Variants in EMC1 observed in about 807,000 individuals in gnomAD.
EMC1 encodes KIAA0090.
A neutral mutation model predicts 128.8 loss-of-function variants in EMC1; 103 were observed. The observed-to-expected ratio is 0.80, with a 90% confidence interval of 0.68 to 0.94. EMC1 has a LOEUF of 0.94. Ranked by LOEUF, EMC1 falls within the 40% of genes least tolerant of loss-of-function variation. The probability of loss-of-function intolerance (pLI) is 0.00; values close to 1 mark genes in which losing one functional copy is unlikely to be tolerated. For missense variants in EMC1, 1,083 were observed against 1,250.6 expected (o/e 0.87, Z 2.02); for synonymous variants, 442 against 490.4 (o/e 0.90, Z 1.30).
At chr1:19,251,367 C>A in intron 1 of EMC1, 48 bp downstream of exon 1, 1 of 1,525,234 alleles carries the variant, frequency 6.6e-7, no homozygotes, top group Non-Finnish European at 9.1e-7. Flanking sequence ...GAGACAGGTA[C>A]TGGGGAAACA....
chr1:19,241,688 T>G (rs549496695), intron 5 of EMC1, among the ~76,000 whole-genome samples: 1 of 152,162 alleles, frequency 6.6e-6, no homozygotes, highest in South Asian at 2.1e-4. Context: ...GCTAATTTTT[T>G]GTACTTTTTG....
At chr1:19,232,812 A>G (rs79432876) in intron 14 of EMC1, 39 bp from the exon 15 acceptor site, 42,951 of 1,613,258 alleles carry the variant, frequency 0.027, 708 homozygotes, top group South Asian at 0.056. Context: ...TACTAGAAAG[A>G]GAAACCAAAG....
intron 1 of EMC1, among the ~76,000 whole-genome samples, chr1:19,248,298 G>A (rs1027507851): frequency 6.6e-6 from 1 of 152,092 alleles, no homozygotes; most frequent in Non-Finnish European, 1.5e-5. Context: ...CCCAGGCTTA[G>A]GTGATCCTCC....
intron 7 of EMC1, 136 bp downstream of exon 7, chr1:19,240,161 A>AG: frequency 8.0e-7 from 1 of 1,250,404 alleles, no homozygotes; most frequent in Non-Finnish European, 1.1e-6. Context: ...CTCTTACACC[A>AG]GTTCAGCCAG....
intron 17 of EMC1, among the ~76,000 whole-genome samples, chr1:19,229,720 C>T (rs1240582809): frequency 1.3e-5 from 2 of 152,212 alleles, no homozygotes; most frequent in Non-Finnish European, 2.9e-5. Flanking sequence ...AAGGGCGCTG[C>T]ATTTTCAAAA....
intron 1 of EMC1, among the ~76,000 whole-genome samples, chr1:19,250,638 C>T (rs1483668479): frequency 9.9e-5 from 15 of 152,158 alleles, no homozygotes; most frequent in Admixed American, 6.5e-5. Context: ...TAACAGATAA[C>T]GCTTAATGAC....
At chr1:19,244,844 T>G (rs2093624596) in intron 2 of EMC1, 62 bp downstream of exon 2, 1 of 1,589,192 alleles carries the variant, frequency 6.3e-7, no homozygotes, top group Non-Finnish European at 8.6e-7. Flanking sequence ...CCAGGCAGAG[T>G]TGGCAATGGT....
intron 17 of EMC1, among the ~76,000 whole-genome samples, chr1:19,228,767 AT>A (rs1236191940): frequency 6.6e-6 from 1 of 152,000 alleles, no homozygotes; most frequent in African/African-American, 2.4e-5. Context: ...AAAAAATAAA[AT>A]GGGCCGGGCG....
At position 19,230,967 on chromosome 1, in the gene EMC1, G is replaced by A. The variant is rs2093516889; in HGVS notation, c.1945-4C>T. 1 of 1,613,426 alleles carries A rather than the reference G, an allele frequency of 6.2e-7. No individual in the cohort carries two copies. Among genetic ancestry groups the A allele is most frequent in the African/African-American group, 1.3e-5 (1 of 74,862 alleles). Reference sequence around the variant, plus strand: ...GAGTGGCTGGAAAAGCTGTGACCTTGAAAAACCCAGAGAGCCCAAGGAAAG... The same window carrying A: ...GAGTGGCTGGAAAAGCTGTGACCTTAAAAAACCCAGAGAGCCCAAGGAAAG... On this transcript the variant is annotated splice_polypyrimidine_tract_variant and splice_region_variant and intron_variant, in intron 16 of 22. Transcript: ENST00000477853.
intron 5 of EMC1, among the ~76,000 whole-genome samples, chr1:19,241,506 T>C (rs941744642): frequency 2.0e-5 from 3 of 152,040 alleles, no homozygotes; most frequent in Non-Finnish European, 2.9e-5. Flanking sequence ...ACCCGCCTCA[T>C]AGCATTTTCT....
chr1:19,245,400 C>T (rs2093627290), intron 1 of EMC1, among the ~76,000 whole-genome samples: 1 of 152,022 alleles, frequency 6.6e-6, no homozygotes, highest in African/African-American at 2.4e-5. Flanking sequence ...GAGATCGCAC[C>T]ATTGCACTTC....
In EMC1 at chr1:19,242,427, T is replaced by C. The variant is rs536488842; in HGVS notation, c.427A>G (p.Ile143Val). The change falls in exon 5 of 23, where the codon ATC (isoleucine) becomes GTC (valine). Residue 143 changes from isoleucine (I) to valine (V), a missense_variant. Around this residue, in one of 3 missense-constraint regions of EMC1, gnomAD observed 544 missense variants for 572.4 expected, o/e 0.95. Coordinates refer to ENST00000477853, the MANE Select transcript of EMC1 (RefSeq NM_015047.3). ...AGTGTAGTCTTCTTCAGGACTGCGA[T>C]GTACCTTACAGACTCCTGCAGGCCA... Reference protein sequence around the residue: ...LVGLQESVRYIAVLKKTTLAL... With the variant: ...LVGLQESVRYVAVLKKTTLAL... The C allele has an allele frequency of 3.1e-6, 5 of 1,614,066 alleles. No individual in the cohort carries two copies. Among genetic ancestry groups the C allele is most frequent in the Non-Finnish European group, 3.4e-6 (4 of 1,180,026 alleles).
chr1:19,240,484 G>T, intron 6 of EMC1, 38 bp from the exon 7 acceptor site: 1 of 1,611,424 alleles, frequency 6.2e-7, no homozygotes, highest in Non-Finnish European at 8.5e-7. Flanking sequence ...GCTCGTGAAA[G>T]ATTTTTACAT....
Position 19,238,250 on chromosome 1 carries a change from AG to A in EMC1, c.1090-112del, listed in dbSNP as rs1171566314. Reference sequence around the variant, plus strand: ...ACCCTAGAGAAGGAGCCAGGCCAGAAGGGGAAATATATGCAAAGGAGAATAA... The same window carrying A: ...ACCCTAGAGAAGGAGCCAGGCCAGAAGGGAAATATATGCAAAGGAGAATAA... On this transcript the variant is annotated intron_variant, in intron 10 of 22. Coordinates refer to ENST00000477853, the MANE Select transcript of EMC1 (RefSeq NM_015047.3). 6.5e-6 allele frequency: 8 copies of A among 1,228,358 alleles called. No individual in the cohort carries two copies. In the East Asian group the frequency reaches 1.2e-4, roughly 18 times the overall value. 76.1% of individuals were successfully genotyped at this position (1,228,358 alleles called of 1,614,324 possible).
In EMC1 at chr1:19,223,528, T is replaced by C. The variant is rs769979785; in HGVS notation, c.2244A>G (p.Thr748=). The change falls in exon 19 of 23, where the codon ACA becomes ACG. Residue 748 remains threonine (T), a synonymous_variant. Coordinates refer to ENST00000477853, the MANE Select transcript of EMC1 (RefSeq NM_015047.3). ...TAAAGGTGCGCTCATGGTGCGCGTC[T>C]GTGCTCTCTGTCACCACGGCCAGCA... is the stretch of plus-strand genomic sequence containing the variant. The part of the protein sequence containing the change: ...PNLLAVVTES[T]DAHHERTFIG... 6 of 1,614,058 alleles carry C rather than the reference T, an allele frequency of 3.7e-6. No individual in the cohort carries two copies. Among genetic ancestry groups the C allele is most frequent in the Non-Finnish European group, 5.1e-6 (6 of 1,180,044 alleles).
intron 17 of EMC1, among the ~76,000 whole-genome samples, chr1:19,228,765 A>C (rs2093497348): frequency 1.3e-5 from 2 of 152,166 alleles, no homozygotes; most frequent in Admixed American, 1.3e-4. Flanking sequence ...AAAAAAAATA[A>C]AATGGGCCGG....
chr1:19,236,315 C>A (rs1360129173), intron 12 of EMC1, among the ~76,000 whole-genome samples: 1 of 150,772 alleles, frequency 6.6e-6, no homozygotes, highest in Non-Finnish European at 1.5e-5. Flanking sequence ...GCTGAGATTA[C>A]ACCATTCCAC....
At position 19,236,765 on chromosome 1, in the gene EMC1, C is replaced by G. The variant is rs534690693; in HGVS notation, c.1309+377G>C. On this transcript the variant is annotated intron_variant, in intron 12 of 22. Transcript: ENST00000477853. ...GGCGGATCACTTGAGGTCAGGAATT[C>G]GAGACCAGCCTGGCCAACATGGGGA... is the stretch of plus-strand genomic sequence containing the variant. Among the ~76,000 whole-genome samples, 4 of 150,512 alleles carry G rather than the reference C, an allele frequency of 2.7e-5. No individual in the cohort carries two copies. The East Asian group carries it at 7.9e-4, about 30-fold the overall frequency.
chr1:19,225,085 T>G (rs1305294338), intron 18 of EMC1, among the ~76,000 whole-genome samples: 1 of 152,226 alleles, frequency 6.6e-6, no homozygotes, highest in Non-Finnish European at 1.5e-5. Flanking sequence ...TACTATCTAA[T>G]TTACCTATTT....
Sources: gnomAD v4.1 joint callset for allele counts (sites outside exome capture counted in the v4.1 genomes callset) on GRCh38, gnomAD v4.1.1 for gene constraint, gnomAD v4.1.1 regional missense constraint, MANE v1.5 for transcripts, NCBI Gene and HGNC (gene_info 2026-07-23, HGNC 2026-07-21) for gene names.